The following RBFOX1 variants were observed in gnomAD, a reference collection of about 807,000 sequenced individuals.
The protein encoded by RBFOX1 is RNA binding protein fox-1 homolog 1.
RBFOX1 carries 8 observed loss-of-function variants against 57.7 expected under a neutral mutation model. The observed-to-expected ratio is 0.14, with a 90% CI of 0.08 to 0.25. RBFOX1 has a LOEUF of 0.25. Ranked by LOEUF, RBFOX1 falls within the 10% of genes least tolerant of loss-of-function variation. The pLI is 1.00. For missense variants in RBFOX1, 611 were observed against 548.5 expected (o/e 1.11, Z -1.14); for synonymous variants, 326 against 222.4 (o/e 1.47, Z -4.15).
chr16:5,929,488 C>T (rs1205791078), intron 4 of RBFOX1, among the ~76,000 whole-genome samples: 1 of 152,154 alleles, frequency 6.6e-6, no homozygotes, highest in Non-Finnish European at 1.5e-5. Context: ...GACAGCATGA[C>T]ATTAGAGTGT....
At chr16:6,989,094 G>T (rs996841894) in intron 3 of RBFOX1, among the ~76,000 whole-genome samples, 1 of 152,028 alleles carries the variant, frequency 6.6e-6, no homozygotes, top group Admixed American at 6.6e-5. Context: ...ACGGGATTTC[G>T]CCATGTTGGG....
chr16:6,243,323 G>A (rs1383018860), intron 1 of RBFOX1, among the ~76,000 whole-genome samples: 1 of 152,140 alleles, frequency 6.6e-6, no homozygotes, highest in Admixed American at 6.6e-5. Context: ...TGAATTGGGA[G>A]AAATAAAAGT....
At chr16:5,342,387 C>T (rs1051082588) in intron 1 of RBFOX1, among the ~76,000 whole-genome samples, 1 of 152,178 alleles carries the variant, frequency 6.6e-6, no homozygotes, top group Admixed American at 6.5e-5. Context: ...TGCAGGTAGT[C>T]AGGCTTGGTG....
chr16:5,737,457 G>A (rs1039531111), intron 3 of RBFOX1, among the ~76,000 whole-genome samples: 1 of 151,958 alleles, frequency 6.6e-6, no homozygotes, highest in Non-Finnish European at 1.5e-5. Context: ...CTACACTGCA[G>A]CGTGGGCAAC....
chr16:7,601,917 A>G (rs1418175828), intron 9 of RBFOX1, among the ~76,000 whole-genome samples: 1 of 152,206 alleles, frequency 6.6e-6, no homozygotes, highest in African/African-American at 2.4e-5. Flanking sequence ...ACACCTTTGT[A>G]CCCAGTGCGA....
chr16:7,061,762 G>C lies in RBFOX1; in HGVS notation c.27+9664G>C, dbSNP rs78517078. 6.6e-3 allele frequency among the ~76,000 whole-genome samples: 1,005 copies of C among 152,170 alleles called. 12 individuals carry two copies. Among genetic ancestry groups the C allele is most frequent in the African/African-American group, 0.023 (950 of 41,500 alleles). On this transcript the variant is annotated intron_variant, in intron 4 of 15. Transcript: ENST00000550418. Reference sequence around the variant, plus strand: ...GCTAATAATGCTGACATTTTAATTTGTCATAGCTACTCTTCATTTCTATGA... The same window carrying C: ...GCTAATAATGCTGACATTTTAATTTCTCATAGCTACTCTTCATTTCTATGA...
intron 5 of RBFOX1, among the ~76,000 whole-genome samples, chr16:7,535,092 T>C (rs1402998484): frequency 6.6e-6 from 1 of 152,180 alleles, no homozygotes; most frequent in Non-Finnish European, 1.5e-5. Flanking sequence ...CTTCTCTCTT[T>C]TATTAACCGC....
chr16:6,423,156 C>G (rs968842191), intron 2 of RBFOX1, among the ~76,000 whole-genome samples: 7 of 152,246 alleles, frequency 4.6e-5, no homozygotes, highest in African/African-American at 1.7e-4. Flanking sequence ...CTGCTGTTCA[C>G]TTCTCTGTCC....
intron 1 of RBFOX1, among the ~76,000 whole-genome samples, chr16:6,142,284 T>C (rs1193904455): frequency 2.1e-5 from 3 of 140,986 alleles, no homozygotes; most frequent in Admixed American, 7.4e-5. Flanking sequence ...TGAAATGGCG[T>C]GATCTTGGCT....
At chr16:6,479,651 T>C (rs1263871065) in intron 2 of RBFOX1, among the ~76,000 whole-genome samples, 3 of 152,038 alleles carry the variant, frequency 2.0e-5, no homozygotes, top group Non-Finnish European at 2.9e-5. Context: ...CCCACTATCA[T>C]GAGAACAGCA....
intron 2 of RBFOX1, among the ~76,000 whole-genome samples, chr16:6,426,170 A>G (rs77712592): frequency 0.038 from 5,561 of 146,004 alleles, 373 homozygotes; most frequent in African/African-American, 0.13. Context: ...CCCTCCCTCC[A>G]TCCCTCCTCC....
chr16:5,318,759 A>G (rs2064314154), intron 1 of RBFOX1, among the ~76,000 whole-genome samples: 1 of 152,164 alleles, frequency 6.6e-6, no homozygotes, highest in African/African-American at 2.4e-5. Context: ...ATTTGCAGAT[A>G]TTAAGGTCTC....
At chr16:5,280,697 T>C (rs1295985044) in intron 1 of RBFOX1, among the ~76,000 whole-genome samples, 1 of 152,176 alleles carries the variant, frequency 6.6e-6, no homozygotes, top group Non-Finnish European at 1.5e-5. Flanking sequence ...CCCTTTCCTC[T>C]AGGTTTTCCA....
chr16:6,941,785 A>G (rs1352980262), intron 3 of RBFOX1, among the ~76,000 whole-genome samples: 2 of 152,058 alleles, frequency 1.3e-5, no homozygotes, highest in Non-Finnish European at 2.9e-5. Context: ...GTGAACTCAT[A>G]CTCACCCTAT....
intron 1 of RBFOX1, among the ~76,000 whole-genome samples, chr16:5,453,377 A>C (rs1433841739): frequency 7.2e-5 from 11 of 152,146 alleles, no homozygotes; most frequent in African/African-American, 2.7e-4. Context: ...AAGATCTTAG[A>C]TTCAACTAAA....
chr16:7,272,842 C>G (rs1380709032), intron 4 of RBFOX1, among the ~76,000 whole-genome samples: 1 of 149,976 alleles, frequency 6.7e-6, no homozygotes, highest in East Asian at 2.0e-4. Context: ...CCTCCCCTCC[C>G]TCCCTTCCCT....
intron 4 of RBFOX1, among the ~76,000 whole-genome samples, chr16:7,149,280 G>C (rs2075659694): frequency 6.6e-6 from 1 of 152,104 alleles, no homozygotes; most frequent in East Asian, 1.9e-4. Flanking sequence ...CTGTTTGCTT[G>C]TTAAGGAGTT....
downstream of RBFOX1, among the ~76,000 whole-genome samples, chr16:5,604,141 G>A (rs981530212): frequency 3.3e-5 from 5 of 152,114 alleles, no homozygotes; most frequent in African/African-American, 1.2e-4. Flanking sequence ...ACTTTGTTCT[G>A]CCTCATTCCA....
chr16:6,122,772 G>C (rs4786084), intron 1 of RBFOX1, among the ~76,000 whole-genome samples: 6 of 151,558 alleles, frequency 4.0e-5, no homozygotes, highest in African/African-American at 1.5e-4. Context: ...GCTGGGTTGC[G>C]GAATATGATC....
Sources: allele counts gnomAD v4.1 joint callset (sites outside exome capture counted in the v4.1 genomes callset), GRCh38; gene constraint gnomAD v4.1.1; transcripts MANE v1.5; gene names NCBI Gene and HGNC (gene_info 2026-07-23, HGNC 2026-07-21).